Variants in GPD2 observed in about 807,000 individuals in gnomAD.
The protein encoded by GPD2 is glycerol-3-phosphate dehydrogenase, mitochondrial.
In GPD2, 54 loss-of-function variants were observed where a neutral mutation model predicts 82.4. The ratio of observed to expected loss-of-function variants is 0.66; its 90% CI spans 0.53 to 0.82. GPD2 has a LOEUF of 0.82. Among genes scored for constraint, GPD2 ranks in the 40% least tolerant of loss-of-function variants. The pLI, the probability that GPD2 is intolerant of heterozygous loss-of-function variation, is 0.00. For missense variants in GPD2, 748 were observed against 896.2 expected (o/e 0.83, Z 2.11); for synonymous variants, 288 against 306.1 (o/e 0.94, Z 0.62).
At chr2:156,501,498 T>TAACATTCTTCTCTATAAATA (rs1180848811) in intron 3 of GPD2, among the ~76,000 whole-genome samples, 2 of 152,168 alleles carry the variant, frequency 1.3e-5, no homozygotes, top group Non-Finnish European at 2.9e-5. Context: ...AGGATAATAA[T>TAACATTCTTCTCTATAAATA]AACATTCTTC....
At chr2:156,411,389 C>T in the GPD2 span, among the ~76,000 whole-genome samples, 19 of 152,134 alleles carry the variant, frequency 1.2e-4, no homozygotes, top group African/African-American at 3.4e-4. Flanking sequence ...GATCTTGGCT[C>T]GCTGCAACCT....
At chr2:156,535,396 G>C (rs1425635717) in intron 6 of GPD2, among the ~76,000 whole-genome samples, 1 of 111,910 alleles carries the variant, frequency 8.9e-6, no homozygotes, top group Admixed American at 1.1e-4. Flanking sequence ...ACCTGGGGGG[G>C]GGCGGGGAGA....
chr2:156,559,636 A>G (rs187900528), intron 9 of GPD2, among the ~76,000 whole-genome samples: 3 of 152,312 alleles, frequency 2.0e-5, no homozygotes, highest in Non-Finnish European at 2.9e-5. Flanking sequence ...ATTGTATAGT[A>G]TTAATTGCTT....
At chr2:156,527,380 G>A (rs1185592716) in intron 6 of GPD2, among the ~76,000 whole-genome samples, 2 of 152,040 alleles carry the variant, frequency 1.3e-5, no homozygotes. Flanking sequence ...TTTCAAACTA[G>A]TTTCATTATT....
chr2:156,476,478 T>G (rs1683517765), intron 2 of GPD2, among the ~76,000 whole-genome samples: 1 of 152,212 alleles, frequency 6.6e-6, no homozygotes, highest in Non-Finnish European at 1.5e-5. Flanking sequence ...CATTTATAAG[T>G]GCCAGGATTT....
rs1297165865 is a variant in GPD2, at chr2:156,584,111, C to G, written c.*1193C>G. On this transcript the variant is annotated 3_prime_UTR_variant, in exon 17 of 17. Coordinates refer to ENST00000438166, the MANE Select transcript of GPD2 (RefSeq NM_000408.5). ...CAAAAATGGAAAAATAATCACCAAC[C>G]CCCATCCCGACACACACACAGAGTC... 1.3e-5 allele frequency: 2 copies of G among 151,902 alleles called. No homozygotes were observed. Among genetic ancestry groups the G allele is most frequent in the Non-Finnish European group, 2.9e-5 (2 of 67,932 alleles). The allele number at this position is 151,902 out of a possible 1,614,324, so 9.4% of individuals were successfully genotyped here.
chr2:156,472,794 G>A (rs995378731), intron 1 of GPD2, among the ~76,000 whole-genome samples: 2 of 152,174 alleles, frequency 1.3e-5, no homozygotes, highest in Admixed American at 1.3e-4. Context: ...AGCTTTTGGG[G>A]AGAAGTTGCC....
chr2:156,505,441 A>T (rs962778580), intron 3 of GPD2, among the ~76,000 whole-genome samples: 1 of 152,210 alleles, frequency 6.6e-6, no homozygotes, highest in African/African-American at 2.4e-5. Context: ...AAAGCCTTAA[A>T]TAATGATACT....
upstream of GPD2, among the ~76,000 whole-genome samples, chr2:156,432,310 C>T (rs1212602627): frequency 6.6e-6 from 1 of 152,048 alleles, no homozygotes; most frequent in Non-Finnish European, 1.5e-5. Flanking sequence ...AGGTTTGTTT[C>T]AAGGGTAGAT....
At chr2:156,411,664 T>C in the GPD2 span, among the ~76,000 whole-genome samples, 1 of 152,204 alleles carries the variant, frequency 6.6e-6, no homozygotes, top group Non-Finnish European at 1.5e-5. Flanking sequence ...TGAGAATTTC[T>C]AGCAGTTTTT....
At chr2:156,579,274 A>C in intron 15 of GPD2, 110 bp downstream of exon 15, 1 of 716,996 alleles carries the variant, frequency 1.4e-6, no homozygotes, top group Non-Finnish European at 2.4e-6. Context: ...ATAATTTTTA[A>C]AAGATTTAGT....
chr2:156,578,832 A>C, intron 13 of GPD2, 57 bp from the exon 14 acceptor site: 1 of 988,718 alleles, frequency 1.0e-6, no homozygotes, highest in Non-Finnish European at 1.6e-6. Context: ...TAAAAAAAGG[A>C]GGAAAAAAAT....
At chr2:156,451,017 A>G (rs1299205681) in intron 1 of GPD2, among the ~76,000 whole-genome samples, 6 of 138,910 alleles carry the variant, frequency 4.3e-5, no homozygotes, top group African/African-American at 1.3e-4. Context: ...AGGCAGAAGA[A>G]TTTTTCTTAG....
At chr2:156,506,340 C>A (rs1297557379) in intron 3 of GPD2, among the ~76,000 whole-genome samples, 1 of 152,124 alleles carries the variant, frequency 6.6e-6, no homozygotes, top group Non-Finnish European at 1.5e-5. Flanking sequence ...GATAATTTGA[C>A]ACTAGAAATA....
At chr2:156,536,867 C>T in intron 6 of GPD2, among the ~76,000 whole-genome samples, 1 of 152,160 alleles carries the variant, frequency 6.6e-6, no homozygotes, top group African/African-American at 2.4e-5. Flanking sequence ...TCCATGGAGT[C>T]AAATGCATGA....
chr2:156,400,814 T>C, the GPD2 span, among the ~76,000 whole-genome samples: 4 of 152,168 alleles, frequency 2.6e-5, no homozygotes, highest in Non-Finnish European at 5.9e-5. Flanking sequence ...ATGTGTGAGG[T>C]CCCGGGTTCA....
intron 6 of GPD2, among the ~76,000 whole-genome samples, chr2:156,522,382 A>G (rs1363598522): frequency 6.6e-6 from 1 of 152,244 alleles, no homozygotes; most frequent in Non-Finnish European, 1.5e-5. Context: ...ATTCTCCAGT[A>G]GTAGGATGTA....
chr2:156,561,184 A>AT (rs1031720530), intron 9 of GPD2, among the ~76,000 whole-genome samples: 1 of 150,504 alleles, frequency 6.6e-6, no homozygotes, highest in Admixed American at 6.6e-5. Flanking sequence ...AGTAGCTGGG[A>AT]TTACAGGCAC....
chr2:156,483,131 A>C (rs934052790), intron 2 of GPD2, among the ~76,000 whole-genome samples: 16 of 152,152 alleles, frequency 1.1e-4, no homozygotes, highest in East Asian at 5.8e-4. Context: ...CAAAAAAAAA[A>C]CAAAAAACAA....
Sources: allele counts gnomAD v4.1 joint callset (sites outside exome capture counted in the v4.1 genomes callset), GRCh38; gene constraint gnomAD v4.1.1; transcripts MANE v1.5; gene names NCBI Gene and HGNC (gene_info 2026-07-23, HGNC 2026-07-21).